ATP2C1: variants seen among roughly 807,000 people sequenced by gnomAD.
ATP2C1 encodes the protein calcium-transporting ATPase type 2C member 1.
In ATP2C1, 31 loss-of-function variants were observed where a neutral mutation model predicts 120.5. The ratio of observed to expected loss-of-function variants is 0.26; its 90% CI spans 0.19 to 0.35. The LOEUF (loss-of-function observed/expected upper bound fraction) is 0.35, where lower values mean the gene tolerates loss of function less well. ATP2C1 is among the 10% of genes least tolerant of loss of function. The probability of loss-of-function intolerance (pLI) is 1.00; values close to 1 mark genes in which losing one functional copy is unlikely to be tolerated. For synonymous variants in ATP2C1, 351 were observed against 358.7 expected, an observed-to-expected ratio of 0.98 and a Z score of 0.24; for missense variants, 731 against 1,107.5, an observed-to-expected ratio of 0.66 and a Z score of 4.83.
chr3:130,891,699 G>A (rs569540384), upstream of ATP2C1, among the ~76,000 whole-genome samples: 18 of 152,214 alleles, frequency 1.2e-4, no homozygotes, highest in Non-Finnish European at 2.2e-4. Context: ...CTTATAATTT[G>A]CAACCTGTGT....
At chr3:130,882,943 G>A (rs1399664742) in intron 1 of ATP2C1, among the ~76,000 whole-genome samples, 1 of 152,096 alleles carries the variant, frequency 6.6e-6, no homozygotes, top group Non-Finnish European at 1.5e-5. Context: ...ACCTTTAAAT[G>A]TTTGGTAGAA....
At chr3:130,900,517 T>C (rs2057769222) in intron 2 of ATP2C1, among the ~76,000 whole-genome samples, 1 of 152,224 alleles carries the variant, frequency 6.6e-6, no homozygotes, top group South Asian at 2.1e-4. Context: ...ATCAGCCTTT[T>C]ATAGGAAAAC....
intron 1 of ATP2C1, among the ~76,000 whole-genome samples, chr3:130,862,853 G>A (rs532406282): frequency 1.3e-5 from 2 of 152,328 alleles, no homozygotes; most frequent in Non-Finnish European, 1.5e-5. Flanking sequence ...CATACCTATG[G>A]CCACTTCAGT....
At chr3:130,945,873 G>T (rs549553893) in intron 8 of ATP2C1, among the ~76,000 whole-genome samples, 1 of 150,430 alleles carries the variant, frequency 6.6e-6, no homozygotes, top group Non-Finnish European at 1.5e-5. Flanking sequence ...AAAAAACAGC[G>T]TGAGGGTCAG....
At chr3:130,903,588 G>T (rs554844723) in intron 2 of ATP2C1, among the ~76,000 whole-genome samples, 1 of 151,572 alleles carries the variant, frequency 6.6e-6, no homozygotes, top group Non-Finnish European at 1.5e-5. Flanking sequence ...AGGTATAAAG[G>T]AATCTAAAAA....
chr3:130,949,992 G>A (rs535277317), intron 8 of ATP2C1, among the ~76,000 whole-genome samples: 67 of 152,150 alleles, frequency 4.4e-4, no homozygotes, highest in South Asian at 1.5e-3. Flanking sequence ...TCAGTGTACC[G>A]TATGTCAAAC....
At chr3:130,994,205 G>T in intron 22 of ATP2C1, 107 bp downstream of exon 22, 1 of 1,365,246 alleles carries the variant, frequency 7.3e-7, no homozygotes, top group Non-Finnish European at 1.0e-6. Context: ...TAAACATTAG[G>T]TAAACTAAAC....
intron 1 of ATP2C1, among the ~76,000 whole-genome samples, chr3:130,885,508 G>C (rs1381955678): frequency 6.6e-6 from 1 of 151,288 alleles, no homozygotes; most frequent in Non-Finnish European, 1.5e-5. Flanking sequence ...CGTGTCTATT[G>C]TACGTTTTTC....
chr3:130,961,699 G>A (rs374062051), intron 12 of ATP2C1, among the ~76,000 whole-genome samples: 10 of 152,088 alleles, frequency 6.6e-5, no homozygotes, highest in East Asian at 5.8e-4. Context: ...ACAATCTTTA[G>A]GTTTGTTTGT....
intron 2 of ATP2C1, among the ~76,000 whole-genome samples, chr3:130,913,598 T>G (rs1271380711): frequency 6.6e-6 from 1 of 152,196 alleles, no homozygotes; most frequent in Non-Finnish European, 1.5e-5. Context: ...TAAAATCTGC[T>G]GTATTTATTT....
rs2061189713 is a variant in ATP2C1 at position 130,969,307 on chromosome 3, C to A, written c.1324C>A (p.Leu442Ile). 1 of 1,612,638 alleles carries A rather than the reference C, an allele frequency of 6.2e-7. No homozygotes were observed. Among genetic ancestry groups the A allele is most frequent in the Non-Finnish European group, 8.5e-7 (1 of 1,178,852 alleles). ...TGCCATATAGATGGGTCTTGATGGA[C>A]TTCAACAAGACTACATCAGAAAAGC... ...ALAMKMGLDG[L>I]QQDYIRKAEY... The change falls in exon 17 of 28, where the codon CTT becomes ATT. Residue 442 changes from leucine (L) to isoleucine (I), a missense_variant. By Grantham distance (5) the Leu-to-Ile change is conservative (BLOSUM62 2). Transcript: ENST00000510168.
rs115977071 is a variant in ATP2C1 at position 130,915,461 on chromosome 3, G to A, written c.7-14955G>A. 5.4e-3 allele frequency among the ~76,000 whole-genome samples: 826 copies of A among 152,108 alleles called. 7 individuals carry two copies. Among genetic ancestry groups the A allele is most frequent in the African/African-American group, 0.019 (770 of 41,490 alleles). On this transcript the variant is annotated intron_variant, in intron 2 of 27. Coordinates refer to ENST00000510168, the MANE Select transcript of ATP2C1 (RefSeq NM_001378687.1). ...GATATAGTGTTAGTTGAAAAATTAG[G>A]GAAAAAGTCTGTTACTTAGCTTAGT...
At chr3:131,007,010 A>T (rs557604781), downstream of ATP2C1, among the ~76,000 whole-genome samples, 6 of 152,338 alleles carry the variant, frequency 3.9e-5, no homozygotes, top group South Asian at 1.2e-3. Context: ...ATAAGTTTGC[A>T]TATAAAATTG....
chr3:130,940,625 A>G lies in ATP2C1; in HGVS notation c.361-5A>G. 1 of 1,599,152 alleles carries G rather than the reference A, an allele frequency of 6.3e-7. No individual in the cohort carries two copies. Among genetic ancestry groups the G allele is most frequent in the East Asian group, 2.2e-5 (1 of 44,658 alleles). The stretch of plus-strand genomic sequence containing the variant: ...ATTAAATTCTACTTTTTTTTGTTTG[A>G]ATAGGAATATCGTTCAGAAAAATCT... On this transcript the variant is annotated splice_polypyrimidine_tract_variant and splice_region_variant and intron_variant, in intron 6 of 27. Coordinates refer to ENST00000510168, the MANE Select transcript of ATP2C1 (RefSeq NM_001378687.1).
chr3:130,970,611 C>G (rs2061266182), intron 17 of ATP2C1, among the ~76,000 whole-genome samples: 1 of 152,040 alleles, frequency 6.6e-6, no homozygotes, highest in African/African-American at 2.4e-5. Context: ...CTAGGCTGGT[C>G]TTGAACCCCT....
chr3:130,984,342 A>G (rs1464529943), intron 20 of ATP2C1, among the ~76,000 whole-genome samples: 1 of 152,160 alleles, frequency 6.6e-6, no homozygotes, highest in African/African-American at 2.4e-5. Context: ...TATACACTAA[A>G]TTCCTGCATG....
intron 1 of ATP2C1, among the ~76,000 whole-genome samples, chr3:130,887,727 T>C (rs2069022971): frequency 6.6e-6 from 1 of 152,196 alleles, no homozygotes; most frequent in South Asian, 2.1e-4. Context: ...TTCAGGGCAC[T>C]GGGCTTCCCT....
At chr3:130,865,224 G>A (rs147123869) in intron 1 of ATP2C1, among the ~76,000 whole-genome samples, 2,085 of 152,226 alleles carry the variant, frequency 0.014, 23 homozygotes, top group Non-Finnish European at 0.019. Context: ...TTTTGGACTT[G>A]TATGGGCCTC....
chr3:130,955,625 C>T (rs1455018883), intron 10 of ATP2C1: 3 of 174,312 alleles, frequency 1.7e-5, no homozygotes, highest in South Asian at 1.3e-4. Flanking sequence ...GCCAAAACTC[C>T]AGTATGCGAT....
Sources: gnomAD v4.1 joint callset for allele counts (sites outside exome capture counted in the v4.1 genomes callset) on GRCh38, gnomAD v4.1.1 for gene constraint, MANE v1.5 for transcripts, NCBI Gene and HGNC (gene_info 2026-07-23, HGNC 2026-07-21) for gene names.